The following PPP2R2C variants were observed in gnomAD, a reference collection of about 807,000 sequenced individuals.
PPP2R2C encodes protein phosphatase 2 regulatory subunit Bgamma, also known as protein phosphatase 2, regulatory subunit B, gamma.
PPP2R2C carries 10 observed loss-of-function variants against 45.3 expected under a neutral mutation model. The observed-to-expected ratio is 0.22, with a 90% CI of 0.14 to 0.37. The LOEUF (loss-of-function observed/expected upper bound fraction) is 0.37. Among genes scored for constraint, PPP2R2C ranks in the 10% least tolerant of loss-of-function variants. The pLI is 1.00. For synonymous variants in PPP2R2C, 257 were observed against 245.4 expected, an observed-to-expected ratio of 1.05 and a Z score of -0.44; for missense variants, 308 against 619.7, an observed-to-expected ratio of 0.50 and a Z score of 5.34.
rs1474444638 is a variant in PPP2R2C at position 6,375,805 on chromosome 4, T to A, written c.447+14A>T. ...AAAGAGGCGTGTGCCTGCTTCCCCC[T>A]CACCGGAGCTCACCTGCAGTGACGT... On this transcript the variant is annotated intron_variant, in intron 4 of 8. Transcript: ENST00000382599. 2 of 1,584,708 alleles carry A rather than the reference T, an allele frequency of 1.3e-6. No homozygotes were observed. The highest frequency in any genetic ancestry group is 2.7e-5 in the African/African-American group (2 of 73,636).
intron 6 of PPP2R2C, among the ~76,000 whole-genome samples, chr4:6,343,330 G>A (rs1020808968): frequency 1.3e-5 from 2 of 152,196 alleles, no homozygotes. Flanking sequence ...TTGCTGGCAC[G>A]AAAGAGAAAG....
chr4:6,466,829 G>C (rs35516842), intron 1 of PPP2R2C, among the ~76,000 whole-genome samples: 60,621 of 152,144 alleles, frequency 0.4, 13,505 homozygotes, highest in Non-Finnish European at 0.52. Context: ...AAGAAAATGA[G>C]AAAAACCGTG....
At chr4:6,545,932 G>C (rs1724965716) in intron 1 of PPP2R2C, among the ~76,000 whole-genome samples, 1 of 151,636 alleles carries the variant, frequency 6.6e-6, no homozygotes, top group South Asian at 2.1e-4. Flanking sequence ...GCTATGGAAG[G>C]CAATGCCCCA....
At chr4:6,384,774 G>T in intron 1 of PPP2R2C, 1 of 985,442 alleles carries the variant, frequency 1.0e-6, no homozygotes, top group Middle Eastern at 5.2e-4. Context: ...CAGCCCCTGC[G>T]GGAGACACTA....
intron 1 of PPP2R2C, among the ~76,000 whole-genome samples, chr4:6,412,285 C>T (rs2109371224): frequency 6.6e-6 from 1 of 152,288 alleles, no homozygotes; most frequent in South Asian, 2.1e-4. Flanking sequence ...GTATTGACTT[C>T]TAAACAACGT....
rs368798090 is a variant in PPP2R2C, at chr4:6,345,238, C to T, written c.790+2608G>A. Among the ~76,000 whole-genome samples, 13 of 152,232 alleles carry T rather than the reference C, an allele frequency of 8.5e-5. No homozygotes were observed. The highest frequency in any genetic ancestry group is 3.9e-4 in the Admixed American group (6 of 15,286). ...TTCCCCAATATTCTCCCATTCCATT[C>T]GGACCCAGACCTGGCTGTACACAGG... On this transcript the variant is annotated intron_variant, in intron 6 of 8. Transcript: ENST00000382599. The surrounding 1 kb of genome is among the most constrained non-coding windows in gnomAD (Gnocchi z 5.3).
intron 2 of PPP2R2C, among the ~76,000 whole-genome samples, chr4:6,513,469 G>A (rs1723735706): frequency 6.6e-6 from 1 of 152,166 alleles, no homozygotes; most frequent in South Asian, 2.1e-4. Context: ...GGTGAAGAGT[G>A]AGCCACAGAA....
chr4:6,409,564 C>T (rs762990500), intron 1 of PPP2R2C, among the ~76,000 whole-genome samples: 2 of 152,204 alleles, frequency 1.3e-5, no homozygotes, highest in East Asian at 1.9e-4. Context: ...GAGGCAGGCA[C>T]TGGGGACAGG....
chr4:6,548,900 C>G (rs1190462898), intron 1 of PPP2R2C, among the ~76,000 whole-genome samples: 6 of 152,164 alleles, frequency 3.9e-5, no homozygotes, highest in Non-Finnish European at 8.8e-5. Context: ...TTCTGCCCAC[C>G]TCCCTAAATG....
chr4:6,525,743 T>C (rs1318546916), intron 2 of PPP2R2C, among the ~76,000 whole-genome samples: 3 of 152,048 alleles, frequency 2.0e-5, no homozygotes, highest in Admixed American at 6.5e-5. Flanking sequence ...TTGCTCTGTC[T>C]CCCAGACTGG....
At chr4:6,546,104 T>A (rs1048991450) in intron 1 of PPP2R2C, among the ~76,000 whole-genome samples, 3 of 152,218 alleles carry the variant, frequency 2.0e-5, no homozygotes, top group Non-Finnish European at 1.5e-5. Flanking sequence ...TGACTTAGCA[T>A]CAATGGTGCA....
At chr4:6,426,530 A>C (rs1719342582) in intron 1 of PPP2R2C, among the ~76,000 whole-genome samples, 1 of 152,194 alleles carries the variant, frequency 6.6e-6, no homozygotes, top group Non-Finnish European at 1.5e-5. Context: ...ATGTGTAATC[A>C]CTGGAGATAT....
At chr4:6,460,965 C>T (rs1196443409) in intron 1 of PPP2R2C, among the ~76,000 whole-genome samples, 1 of 152,124 alleles carries the variant, frequency 6.6e-6, no homozygotes, top group Non-Finnish European at 1.5e-5. Context: ...CACCCCACCC[C>T]ACACACATCC....
At chr4:6,439,019 G>A (rs1720024222) in intron 1 of PPP2R2C, among the ~76,000 whole-genome samples, 1 of 152,126 alleles carries the variant, frequency 6.6e-6, no homozygotes, top group East Asian at 1.9e-4. Flanking sequence ...TCTGAACAGT[G>A]CCAGAGATGT....
intron 6 of PPP2R2C, among the ~76,000 whole-genome samples, chr4:6,344,996 C>T (rs572425679): frequency 6.6e-6 from 1 of 152,306 alleles, no homozygotes; most frequent in East Asian, 1.9e-4. Flanking sequence ...CTTCAAGGAG[C>T]AGATATATTA....
rs150412077 is a variant in PPP2R2C, at chr4:6,540,268, A to G, written c.-58-4891T>C. 6.1e-3 allele frequency among the ~76,000 whole-genome samples: 933 copies of G among 152,264 alleles called. 7 individuals are homozygous for G. Among genetic ancestry groups the G allele is most frequent in the African/African-American group, 0.021 (886 of 41,544 alleles). On this transcript the variant is annotated intron_variant, in intron 1 of 9. Coordinates refer to the PPP2R2C transcript ENST00000506140. Reference sequence around the variant, plus strand: ...AACCACTAATCTGCTTTTTGTCTCTATGAATTTTCTGATTATGAACATCTC... The same window carrying G: ...AACCACTAATCTGCTTTTTGTCTCTGTGAATTTTCTGATTATGAACATCTC...
At chr4:6,488,180 A>G (rs1440189193) in intron 2 of PPP2R2C, among the ~76,000 whole-genome samples, 2 of 152,208 alleles carry the variant, frequency 1.3e-5, no homozygotes, top group Non-Finnish European at 2.9e-5. Flanking sequence ...CTTGTCTGCT[A>G]ATTTTAACAT....
intron 1 of PPP2R2C, among the ~76,000 whole-genome samples, chr4:6,549,172 T>C (rs1157479395): frequency 1.3e-5 from 2 of 152,172 alleles, no homozygotes. Context: ...AGTCATCCCC[T>C]GGTTCTCACT....
At chr4:6,410,877 AT>A (rs992193187) in intron 1 of PPP2R2C, among the ~76,000 whole-genome samples, 3 of 147,040 alleles carry the variant, frequency 2.0e-5, no homozygotes, top group Admixed American at 1.3e-4. Context: ...TTATTTATTT[AT>A]TTATTTATTA....
Sources: gnomAD v4.1 joint callset for allele counts (sites outside exome capture counted in the v4.1 genomes callset) on GRCh38, gnomAD v4.1.1 for gene constraint, Gnocchi (gnomAD v3.1) non-coding constraint, MANE v1.5 for transcripts, NCBI Gene and HGNC (gene_info 2026-07-23, HGNC 2026-07-21) for gene names.